PDE1A: variants seen among roughly 807,000 people sequenced by gnomAD.
The protein encoded by PDE1A is dual specificity calcium/calmodulin-dependent 3',5'-cyclic nucleotide phosphodiesterase 1A.
A neutral mutation model predicts 61.7 loss-of-function variants in PDE1A; 35 were observed. The observed-to-expected ratio is 0.57, with a 90% CI of 0.43 to 0.75. The LOEUF (loss-of-function observed/expected upper bound fraction) is 0.75, where lower values mean the gene tolerates loss of function less well. PDE1A is among the 30% of genes least tolerant of loss of function. The pLI is 0.00. For missense variants in PDE1A, 597 were observed against 630.6 expected, an observed-to-expected ratio of 0.95 and a Z score of 0.57; for synonymous variants, 232 against 213.2, an observed-to-expected ratio of 1.09 and a Z score of -0.77.
chr2:182,600,755 G>A, the PDE1A span, among the ~76,000 whole-genome samples: 2 of 152,144 alleles, frequency 1.3e-5, no homozygotes, highest in Admixed American at 6.5e-5. Context: ...TTTAAACAAC[G>A]TGTGGTAGAC....
chr2:182,364,579 T>C (rs916977512), intron 1 of PDE1A, among the ~76,000 whole-genome samples: 4 of 144,662 alleles, frequency 2.8e-5, no homozygotes, highest in Non-Finnish European at 3.0e-5. Flanking sequence ...CAGGACAGCA[T>C]AGCATTAAAA....
intron 2 of PDE1A, among the ~76,000 whole-genome samples, chr2:182,493,440 C>G (rs1044110344): frequency 6.6e-6 from 1 of 152,142 alleles, no homozygotes; most frequent in Non-Finnish European, 1.5e-5. Flanking sequence ...CGCCTCCTCA[C>G]CCCGTGACAG....
At position 182,209,852 on chromosome 2, in the gene PDE1A, T is replaced by C. The variant is rs1574705581; in HGVS notation, c.777-3787A>G. On this transcript the variant is annotated intron_variant, in intron 7 of 13. Transcript: ENST00000351439. ...AACTATGAGTCAATTGAACCTCTTT[T>C]CTTTATAAGTTATCCATTCTCTGCC... 2.0e-5 allele frequency among the ~76,000 whole-genome samples: 3 copies of C among 152,280 alleles called. No individual in the cohort carries two copies. The South Asian group carries it at 6.2e-4, about 32-fold the overall frequency.
chr2:182,274,644 T>C (rs761968670), intron 1 of PDE1A, among the ~76,000 whole-genome samples: 2 of 152,158 alleles, frequency 1.3e-5, no homozygotes, highest in African/African-American at 2.4e-5. Flanking sequence ...TTGTTATATG[T>C]ATTATAAAAA....
chr2:182,234,347 G>GA, intron 4 of PDE1A, 85 bp downstream of exon 4: 1 of 846,082 alleles, frequency 1.2e-6, no homozygotes, highest in Admixed American at 2.1e-5. Flanking sequence ...CTGCAGTAAA[G>GA]ACCTATTCTC....
chr2:182,589,699 T>A, the PDE1A span, among the ~76,000 whole-genome samples: 4 of 152,244 alleles, frequency 2.6e-5, no homozygotes, highest in Non-Finnish European at 5.9e-5. Context: ...TAAATCTCAC[T>A]GCTCTGATTC....
the PDE1A span, among the ~76,000 whole-genome samples, chr2:182,529,193 T>C: frequency 6.6e-6 from 1 of 152,306 alleles, no homozygotes; most frequent in Admixed American, 6.5e-5. Context: ...AGGGAGGCTA[T>C]AACCTGCAGA....
intron 1 of PDE1A, among the ~76,000 whole-genome samples, chr2:182,405,587 T>C (rs1047914435): frequency 1.5e-4 from 23 of 152,002 alleles, no homozygotes; most frequent in Non-Finnish European, 2.8e-4. Context: ...ACTCACCAAA[T>C]CCTTGTGCCC....
intron 2 of PDE1A, among the ~76,000 whole-genome samples, chr2:182,475,354 A>T (rs533605314): frequency 2.6e-5 from 4 of 152,040 alleles, no homozygotes; most frequent in African/African-American, 9.6e-5. Flanking sequence ...CAGGTTAAGA[A>T]AAGTGAAGAA....
chr2:182,541,857 A>G, the PDE1A span, among the ~76,000 whole-genome samples: 1 of 152,220 alleles, frequency 6.6e-6, no homozygotes, highest in Admixed American at 6.5e-5. Flanking sequence ...ATGTTAGAAA[A>G]GGAAATATTA....
intron 1 of PDE1A, among the ~76,000 whole-genome samples, chr2:182,306,702 T>C (rs1267774381): frequency 6.6e-6 from 1 of 152,086 alleles, no homozygotes; most frequent in African/African-American, 2.4e-5. Context: ...AGTGCAAGAA[T>C]ACAATGGGAA....
At chr2:182,499,178 T>G (rs1183083798) in intron 2 of PDE1A, among the ~76,000 whole-genome samples, 1 of 122,808 alleles carries the variant, frequency 8.1e-6, no homozygotes, top group Non-Finnish European at 1.7e-5. Context: ...TTCTTGTTTT[T>G]TTTTTTTTTT....
chr2:182,522,423 G>A, intron 1 of PDE1A: 1 of 1,611,136 alleles, frequency 6.2e-7, no homozygotes, highest in South Asian at 1.1e-5. Context: ...TCAGCAGCTA[G>A]AACAAGCATT....
At chr2:182,601,862 A>G in the PDE1A span, among the ~76,000 whole-genome samples, 53 of 152,082 alleles carry the variant, frequency 3.5e-4, no homozygotes, top group Non-Finnish European at 5.6e-4. Context: ...CAGGACTTTT[A>G]TGGGCCCCAG....
the PDE1A span, among the ~76,000 whole-genome samples, chr2:182,664,997 A>G: frequency 1.3e-5 from 2 of 152,232 alleles, no homozygotes; most frequent in East Asian, 3.8e-4. Flanking sequence ...AGTTGTTAGG[A>G]CATCTTCTTT....
intron 1 of PDE1A, among the ~76,000 whole-genome samples, chr2:182,328,801 A>G (rs1697215195): frequency 6.6e-6 from 1 of 152,120 alleles, no homozygotes; most frequent in Non-Finnish European, 1.5e-5. Context: ...CCAGTGCTAA[A>G]CTCTTCAAGG....
At chr2:182,626,412 A>C in the PDE1A span, among the ~76,000 whole-genome samples, 1 of 152,026 alleles carries the variant, frequency 6.6e-6, no homozygotes, top group Admixed American at 6.6e-5. Context: ...AAGCCCAAGG[A>C]TATATTTTAA....
chr2:182,691,146 C>A, the PDE1A span, among the ~76,000 whole-genome samples: 1 of 152,138 alleles, frequency 6.6e-6, no homozygotes, highest in Non-Finnish European at 1.5e-5. Flanking sequence ...ATCAAGCTAC[C>A]AATGACTTTC....
the PDE1A span, among the ~76,000 whole-genome samples, chr2:182,658,005 T>C: frequency 7.2e-6 from 1 of 138,402 alleles, no homozygotes; most frequent in Non-Finnish European, 1.5e-5. Context: ...AATGACATAA[T>C]GTGTGTATCG....
Sources: gnomAD v4.1 joint callset for allele counts (sites outside exome capture counted in the v4.1 genomes callset) on GRCh38, gnomAD v4.1.1 for gene constraint, MANE v1.5 for transcripts, NCBI Gene and HGNC (gene_info 2026-07-23, HGNC 2026-07-21) for gene names.